The following TENM3 variants were observed in gnomAD, a reference collection of about 807,000 sequenced individuals.
The protein encoded by TENM3 is teneurin-3.
Under a neutral mutation model 255.1 loss-of-function variants are expected in TENM3, and 63 were observed. The ratio of observed to expected loss-of-function variants is 0.25; its 90% confidence interval spans 0.20 to 0.30. The LOEUF is 0.30. Among genes scored for constraint, TENM3 ranks in the 10% least tolerant of loss-of-function variants. The pLI is 1.00. For missense variants in TENM3, 2,929 were observed against 3,461.1 expected (o/e 0.85, Z 3.86); for synonymous variants, 1,306 against 1,322.3 (o/e 0.99, Z 0.27).
At chr4:181,971,393 G>A in the TENM3 span, among the ~76,000 whole-genome samples, 2 of 151,996 alleles carry the variant, frequency 1.3e-5, no homozygotes, top group Non-Finnish European at 2.9e-5. Flanking sequence ...GAAAAAGCAG[G>A]GAAAACAAAA....
At chr4:182,497,577 C>T (rs1264462726) in intron 3 of TENM3, among the ~76,000 whole-genome samples, 2 of 152,026 alleles carry the variant, frequency 1.3e-5, no homozygotes, top group African/African-American at 4.8e-5. Flanking sequence ...TGGCAGTTTT[C>T]CTCATCAATT....
chr4:182,241,888 ACT>A (rs1757290139), upstream of TENM3, among the ~76,000 whole-genome samples: 1 of 150,102 alleles, frequency 6.7e-6, no homozygotes, highest in South Asian at 2.1e-4. Flanking sequence ...CACTGAAATG[ACT>A]CTCCGTGGTC....
intron 27 of TENM3, among the ~76,000 whole-genome samples, chr4:182,797,480 A>G (rs759077403): frequency 1.4e-4 from 22 of 152,218 alleles, no homozygotes; most frequent in Admixed American, 9.8e-4. Flanking sequence ...TTTCATAGGA[A>G]AAGATTAAAA....
intron 5 of TENM3, among the ~76,000 whole-genome samples, chr4:182,630,749 A>AT (rs200667516): frequency 0.062 from 9,284 of 149,042 alleles, 392 homozygotes; most frequent in East Asian, 0.15. Flanking sequence ...TTATTTATTT[A>AT]TTTATTTTAT....
At chr4:182,281,163 C>T (rs1760361858) in intron 1 of TENM3, among the ~76,000 whole-genome samples, 1 of 152,228 alleles carries the variant, frequency 6.6e-6, no homozygotes, top group Admixed American at 6.5e-5. Flanking sequence ...AGGGATTATC[C>T]AGCCACACTG....
chr4:182,506,477 A>G (rs1371044533), intron 3 of TENM3, among the ~76,000 whole-genome samples: 1 of 152,198 alleles, frequency 6.6e-6, no homozygotes, highest in Non-Finnish European at 1.5e-5. Context: ...ATGGTGCTTA[A>G]AAAGTGTCTT....
chr4:182,299,555 A>G (rs2150362255), intron 1 of TENM3, among the ~76,000 whole-genome samples: 1 of 152,358 alleles, frequency 6.6e-6, no homozygotes, highest in Middle Eastern at 3.4e-3. Flanking sequence ...TTTAGTGTGC[A>G]TCAAGGTCAC....
At chr4:181,627,770 A>G in the TENM3 span, among the ~76,000 whole-genome samples, 2 of 152,162 alleles carry the variant, frequency 1.3e-5, no homozygotes, top group Non-Finnish European at 2.9e-5. Flanking sequence ...AGTCTTTGCT[A>G]TTGTGAATAG....
At chr4:181,930,764 CAATGAAATACTGGCA>C in the TENM3 span, among the ~76,000 whole-genome samples, 2 of 152,132 alleles carry the variant, frequency 1.3e-5, no homozygotes, top group Admixed American at 1.3e-4. Context: ...GCAAAATCTT[CAATGAAATACTGGCA>C]AACCGAATCC....
chr4:182,492,071 G>C (rs1482593107), intron 3 of TENM3, among the ~76,000 whole-genome samples: 3 of 152,156 alleles, frequency 2.0e-5, no homozygotes, highest in Non-Finnish European at 4.4e-5. Flanking sequence ...GTATAGAAAA[G>C]AAAGCAGGTA....
At chr4:182,465,736 T>C (rs1358160918) in intron 3 of TENM3, among the ~76,000 whole-genome samples, 1 of 152,156 alleles carries the variant, frequency 6.6e-6, no homozygotes, top group Non-Finnish European at 1.5e-5. Flanking sequence ...TTATTAATAA[T>C]ATAAGATACA....
chr4:182,439,108 A>G (rs368980158), intron 3 of TENM3, among the ~76,000 whole-genome samples: 95 of 152,316 alleles, frequency 6.2e-4, no homozygotes, highest in African/African-American at 2.2e-3. Flanking sequence ...TTGCCTTTCA[A>G]TGACTCCAGA....
rs1357429574 is a variant in TENM3 at position 182,800,399 on chromosome 4, C to T, written c.*48C>T. ...CCGCTCACGCCCTGCCCACATTGTC[C>T]TGTGGCACAACCCGAGTGGGACTCT... is the stretch of plus-strand genomic sequence containing the variant. On this transcript the variant is annotated 3_prime_UTR_variant, in exon 28 of 28. Coordinates refer to ENST00000511685, the MANE Select transcript of TENM3 (RefSeq NM_001080477.4). 1 of 1,508,682 alleles carries T rather than the reference C, an allele frequency of 6.6e-7. No individual in the cohort carries two copies. The highest frequency in any genetic ancestry group is 8.8e-7 in the Non-Finnish European group (1 of 1,133,094). 93.5% of individuals were successfully genotyped at this position (1,508,682 alleles called of 1,614,324 possible). A position where few individuals can be genotyped will look rare whatever the true frequency, so the allele number is the denominator to read the frequency against.
At chr4:182,531,852 G>C (rs541197288) in intron 3 of TENM3, among the ~76,000 whole-genome samples, 1 of 152,200 alleles carries the variant, frequency 6.6e-6, no homozygotes, top group Non-Finnish European at 1.5e-5. Context: ...AGCATAAACT[G>C]CACTGTGTGC....
intron 3 of TENM3, among the ~76,000 whole-genome samples, chr4:182,443,139 ACACTTC>A (rs989765639): frequency 1.6e-4 from 25 of 152,260 alleles, no homozygotes; most frequent in Non-Finnish European, 2.9e-4. Context: ...TTTATTTATC[ACACTTC>A]CATTTCTTTA....
At chr4:182,706,239 T>G (rs749198826) in intron 12 of TENM3, among the ~76,000 whole-genome samples, 3 of 152,222 alleles carry the variant, frequency 2.0e-5, no homozygotes, top group Non-Finnish European at 4.4e-5. Context: ...TGGAACTTTG[T>G]CTTTGCCACT....
intron 1 of TENM3, among the ~76,000 whole-genome samples, chr4:182,282,781 T>C (rs969931550): frequency 1.3e-5 from 2 of 150,794 alleles, no homozygotes; most frequent in Non-Finnish European, 2.9e-5. Context: ...TAATCCCAGC[T>C]ACTTGGGAGG....
chr4:182,715,761 A>T (rs567317917), intron 13 of TENM3, among the ~76,000 whole-genome samples: 5 of 152,144 alleles, frequency 3.3e-5, no homozygotes, highest in African/African-American at 1.2e-4. Context: ...ACACACTCAC[A>T]CACACACACA....
chr4:182,565,118 C>G (rs1478024838), intron 3 of TENM3, among the ~76,000 whole-genome samples: 1 of 152,136 alleles, frequency 6.6e-6, no homozygotes, highest in African/African-American at 2.4e-5. Flanking sequence ...TTAGTAAAGA[C>G]ACTATGTTGC....
Sources: gnomAD v4.1 joint callset for allele counts (sites outside exome capture counted in the v4.1 genomes callset) on GRCh38, gnomAD v4.1.1 for gene constraint, MANE v1.5 for transcripts, NCBI Gene and HGNC (gene_info 2026-07-23, HGNC 2026-07-21) for gene names.